The following ATAD2B variants were observed in gnomAD, a reference collection of about 807,000 sequenced individuals.
ATAD2B encodes ATPase family AAA domain-containing protein 2B.
Under a neutral mutation model 167.6 loss-of-function variants are expected in ATAD2B, and 40 were observed. The ratio of observed to expected loss-of-function variants is 0.24; its 90% confidence interval spans 0.19 to 0.31. ATAD2B has a LOEUF of 0.31. ATAD2B is among the 10% of genes least tolerant of loss of function. The pLI is 1.00. For synonymous variants in ATAD2B, 579 were observed against 596.5 expected (o/e 0.97, Z 0.43); for missense variants, 1,242 against 1,757.2 (o/e 0.71, Z 5.24).
rs1350050570 is a variant in ATAD2B at position 23,873,394 on chromosome 2, C to T, written c.977+2435G>A. Among the ~76,000 whole-genome samples the T allele has an allele frequency of 4.6e-5, 7 of 152,274 alleles. No homozygotes were observed. The East Asian group carries it at 5.8e-4, about 13-fold the overall frequency. The stretch of plus-strand genomic sequence containing the variant: ...CCTTAGTATCTACAGGGGAATGATT[C>T]CAGGACCCTTGCGAATACCAAAATT... On this transcript the variant is annotated intron_variant, in intron 8 of 27. Transcript: ENST00000238789.
At chr2:23,680,172 CAG>C in the ATAD2B span, among the ~76,000 whole-genome samples, 5 of 152,070 alleles carry the variant, frequency 3.3e-5, no homozygotes, top group Non-Finnish European at 7.4e-5. The surrounding 1 kb of genome is among the most constrained non-coding windows in gnomAD (Gnocchi z 4.1). Context: ...GCAGCTCACT[CAG>C]GGTGCTGGAG....
chr2:23,891,963 A>C (rs1465438115), intron 2 of ATAD2B, among the ~76,000 whole-genome samples: 1 of 152,204 alleles, frequency 6.6e-6, no homozygotes, highest in Non-Finnish European at 1.5e-5. Context: ...CAAGGCATTT[A>C]ATGATTTATG....
At chr2:23,837,525 A>T (rs549464439) in intron 13 of ATAD2B, among the ~76,000 whole-genome samples, 231 of 152,284 alleles carry the variant, frequency 1.5e-3, no homozygotes, top group African/African-American at 5.1e-3. Flanking sequence ...CCACCGACTC[A>T]AAAGGGGTGG....
chr2:23,902,559 C>T (rs535402852), intron 1 of ATAD2B, among the ~76,000 whole-genome samples: 2 of 152,124 alleles, frequency 1.3e-5, no homozygotes, highest in Non-Finnish European at 2.9e-5. Context: ...TAACCTAACC[C>T]TTTGAGAGAA....
In ATAD2B at chr2:23,926,715, G is replaced by C; in HGVS notation, c.56C>G (p.Pro19Arg). 6.5e-7 allele frequency: 1 copy of C among 1,549,748 alleles called. No individual in the cohort carries two copies. Among genetic ancestry groups the C allele is most frequent in the Middle Eastern group, 1.7e-4 (1 of 5,808 alleles). ...TGCTCCGGCCCCAGGCCCAGGCCCG[G>C]GACCAGGAGACTTGGACCCGAGAAG... ...LRLLGSKSPG[P>R]GPGPGAGAEP... Residue 19 changes from proline (P) to arginine (R), a missense_variant, in exon 1 of 28, where the codon CCC becomes CGC. Physicochemically the swap from Pro to Arg is moderately radical, Grantham distance 103. Transcript: ENST00000238789.
chr2:23,724,233 CAAT>C, the ATAD2B span, among the ~76,000 whole-genome samples: 2 of 151,866 alleles, frequency 1.3e-5, no homozygotes, highest in Admixed American at 6.6e-5. Flanking sequence ...CTATAGTTAA[CAAT>C]AATATATAGT....
At chr2:23,878,259 G>A (rs1025221696) in intron 7 of ATAD2B, among the ~76,000 whole-genome samples, 1 of 151,924 alleles carries the variant, frequency 6.6e-6, no homozygotes, top group Admixed American at 6.6e-5. Context: ...TACTTGGGAG[G>A]CTGAGGCAGG....
chr2:23,883,661 A>C, intron 6 of ATAD2B: 1 of 1,229,286 alleles, frequency 8.1e-7, no homozygotes, highest in South Asian at 1.3e-5. Flanking sequence ...TATTTGCTCA[A>C]TAAAGTACCT....
chr2:23,749,944 T>A lies in ATAD2B; in HGVS notation c.*2102A>T, dbSNP rs1218307637. 6.6e-6 allele frequency: 1 copy of A among 151,830 alleles called. No individual in the cohort carries two copies. The highest frequency in any genetic ancestry group is 2.4e-5 in the African/African-American group (1 of 41,414). 9.4% of individuals were successfully genotyped at this position (151,830 alleles called of 1,614,324 possible). ...ACTGGAATAAATATTTAAAAAAAAA[T>A]AGTGCAGCAAGAACCTGAGACTTGC... On this transcript the variant is annotated 3_prime_UTR_variant, in exon 28 of 28. Coordinates refer to ENST00000238789, the MANE Select transcript of ATAD2B (RefSeq NM_017552.4).
chr2:23,916,160 G>A (rs941164835), intron 1 of ATAD2B, among the ~76,000 whole-genome samples: 6 of 152,156 alleles, frequency 3.9e-5, no homozygotes, highest in Non-Finnish European at 8.8e-5. Flanking sequence ...CAAAGAGTCA[G>A]TATTCCACAC....
intron 1 of ATAD2B, among the ~76,000 whole-genome samples, chr2:23,897,048 C>G (rs916687681): frequency 1.3e-5 from 2 of 152,082 alleles, no homozygotes; most frequent in Non-Finnish European, 2.9e-5. Context: ...AAGAATCACT[C>G]AAACCCAGGA....
At chr2:23,693,362 C>T in the ATAD2B span, 6 of 1,551,690 alleles carry the variant, frequency 3.9e-6, no homozygotes, top group South Asian at 1.2e-5. Flanking sequence ...AAGGCCTTCG[C>T]GCTGCAGATC....
chr2:23,877,513 AAGGGGAGGGAAGGGG>A (rs1467299870), intron 7 of ATAD2B, among the ~76,000 whole-genome samples: 1 of 64,916 alleles, frequency 1.5e-5, no homozygotes, highest in African/African-American at 6.4e-5. Context: ...AAGGGGAGGG[AAGGGGAGGGAAGGGG>A]AGGGGAGGGG....
At chr2:23,839,750 C>T (rs937018517) in intron 13 of ATAD2B, among the ~76,000 whole-genome samples, 1 of 152,076 alleles carries the variant, frequency 6.6e-6, no homozygotes, top group Admixed American at 6.5e-5. Flanking sequence ...AAACCCTGCA[C>T]ATATTTAAAG....
intron 24 of ATAD2B, among the ~76,000 whole-genome samples, chr2:23,758,923 G>T (rs562565216): frequency 2.1e-4 from 32 of 152,272 alleles, no homozygotes; most frequent in African/African-American, 7.7e-4. Flanking sequence ...TTATGAGTAG[G>T]CAGCTAGGGC....
chr2:23,742,366 A>C, the ATAD2B span, among the ~76,000 whole-genome samples: 3 of 128,178 alleles, frequency 2.3e-5, no homozygotes, highest in Non-Finnish European at 5.3e-5. Flanking sequence ...ATGGAATACT[A>C]TGCAGCCATA....
chr2:23,812,841 T>G (rs1685818454), intron 17 of ATAD2B, among the ~76,000 whole-genome samples: 1 of 80,348 alleles, frequency 1.2e-5, no homozygotes, highest in Non-Finnish European at 2.4e-5. Context: ...AGAGTGAGAC[T>G]CAGTCTCAAA....
rs745834817 is a variant in ATAD2B at position 23,798,144 on chromosome 2, A to G, written c.2634T>C (p.Pro878=). ...STSETMYSEL[P]EEVKCIFRIQ... is the part of the protein sequence containing the mutation. Reference sequence around the variant, plus strand: ...ATATTTAATCAGTTCTTACCTCTTCAGGCAGTTCACTGTACATGGTTTCAG... The same window carrying G: ...ATATTTAATCAGTTCTTACCTCTTCGGGCAGTTCACTGTACATGGTTTCAG... The change falls in exon 19 of 28, where the codon CCT becomes CCC. Residue 878 remains proline, a synonymous_variant. Coordinates refer to ENST00000238789, the MANE Select transcript of ATAD2B (RefSeq NM_017552.4). 6.4e-7 allele frequency: 1 copy of G among 1,555,044 alleles called. No homozygotes were observed. The highest frequency in any genetic ancestry group is 1.2e-5 in the South Asian group (1 of 85,822).
At chr2:23,848,495 T>C (rs1692043994) in intron 13 of ATAD2B, among the ~76,000 whole-genome samples, 1 of 152,072 alleles carries the variant, frequency 6.6e-6, no homozygotes, top group Admixed American at 6.6e-5. Context: ...ATAAAAAATG[T>C]ATGACAATAG....
Sources: gnomAD v4.1 joint callset for allele counts (sites outside exome capture counted in the v4.1 genomes callset) on GRCh38, gnomAD v4.1.1 for gene constraint, Gnocchi (gnomAD v3.1) non-coding constraint, MANE v1.5 for transcripts, NCBI Gene and HGNC (gene_info 2026-07-23, HGNC 2026-07-21) for gene names.